The following MPPED1 variants were observed in gnomAD, a reference collection of about 807,000 sequenced individuals.
MPPED1 encodes metallophosphoesterase domain-containing protein 1.
A neutral mutation model predicts 36.2 loss-of-function variants in MPPED1; 16 were observed. That is an observed-to-expected ratio of 0.44 (90% CI 0.30 to 0.67). MPPED1 has a LOEUF of 0.67. Among genes scored for constraint, MPPED1 ranks in the 30% least tolerant of loss-of-function variants. The pLI is 0.10. For synonymous variants in MPPED1, 199 were observed against 191.3 expected (o/e 1.04, Z -0.33); for missense variants, 307 against 453.4 (o/e 0.68, Z 2.93).
chr22:43,489,844 G>A (rs1157605403), intron 4 of MPPED1, among the ~76,000 whole-genome samples: 4 of 152,152 alleles, frequency 2.6e-5, no homozygotes, highest in African/African-American at 4.8e-5. Context: ...TCTAATAAAA[G>A]CTGGAACATC....
At chr22:43,476,654 A>G (rs1931587202) in intron 4 of MPPED1, among the ~76,000 whole-genome samples, 1 of 151,986 alleles carries the variant, frequency 6.6e-6, no homozygotes, top group African/African-American at 2.4e-5. Context: ...GAAGGTGGGG[A>G]GGTGCAGGGC....
chr22:43,459,934 C>A (rs971501166), intron 3 of MPPED1, among the ~76,000 whole-genome samples: 2 of 152,076 alleles, frequency 1.3e-5, no homozygotes, highest in African/African-American at 4.8e-5. Flanking sequence ...TGTGGCCAGG[C>A]GTGGTGGCTT....
At chr22:43,456,463 C>A (rs1204245650) in intron 3 of MPPED1, among the ~76,000 whole-genome samples, 1 of 152,090 alleles carries the variant, frequency 6.6e-6, no homozygotes, top group East Asian at 1.9e-4. Context: ...TTGTCAGGTT[C>A]AGAAGATCTC....
intron 5 of MPPED1, among the ~76,000 whole-genome samples, chr22:43,500,068 TGATGGAGGTGGTGGTGATGGC>T (rs1404467172): frequency 1.0e-3 from 114 of 111,146 alleles, no homozygotes; most frequent in Non-Finnish European, 1.4e-3. Flanking sequence ...GTGGTGATGG[TGATGGAGGTGGTGGTGATGGC>T]GATGGAGGTG....
intron 4 of MPPED1, among the ~76,000 whole-genome samples, chr22:43,476,785 C>T (rs1309266003): frequency 6.6e-6 from 1 of 152,038 alleles, no homozygotes; most frequent in Admixed American, 6.6e-5. Flanking sequence ...CCTCTGGGCA[C>T]TTGAGGATGT....
intron 2 of MPPED1, among the ~76,000 whole-genome samples, chr22:43,432,220 G>GACAA (rs135074): frequency 0.36 from 55,056 of 150,856 alleles, 10,709 homozygotes; most frequent in East Asian, 0.77. Flanking sequence ...GAGAGAGAGA[G>GACAA]ACACAGAGAG....
chr22:43,484,761 A>T (rs1444444574), intron 4 of MPPED1, among the ~76,000 whole-genome samples: 1 of 152,060 alleles, frequency 6.6e-6, no homozygotes, highest in Non-Finnish European at 1.5e-5. Context: ...GGCAGGTGTG[A>T]GCCCCGCCTG....
intron 3 of MPPED1, among the ~76,000 whole-genome samples, chr22:43,455,066 T>C (rs1414977237): frequency 6.6e-6 from 1 of 151,564 alleles, no homozygotes; most frequent in African/African-American, 2.4e-5. Flanking sequence ...GATGGCTGTC[T>C]TCTCACTGTG....
At chr22:43,484,998 T>A (rs1931864803) in intron 4 of MPPED1, among the ~76,000 whole-genome samples, 1 of 152,190 alleles carries the variant, frequency 6.6e-6, no homozygotes, top group African/African-American at 2.4e-5. Flanking sequence ...CTTGCTGTGC[T>A]GCTTCTACAA....
intron 4 of MPPED1, among the ~76,000 whole-genome samples, chr22:43,479,160 C>A (rs939713513): frequency 3.3e-5 from 5 of 152,164 alleles, no homozygotes; most frequent in Non-Finnish European, 5.9e-5. Context: ...CATATGGCAG[C>A]TCATTCGGGG....
At position 43,474,845 on chromosome 22, in the gene MPPED1, T is replaced by C; in HGVS notation, c.516T>C (p.Ser172=). Residue 172 remains serine (S), a synonymous_variant, in exon 4 of 7, where the codon TCT becomes TCC. Coordinates refer to ENST00000443721, the MANE Select transcript of MPPED1 (RefSeq NM_001044370.2). The surrounding 1 kb of genome is among the most constrained non-coding windows in gnomAD (Gnocchi z 5.2). ...LIKQDFYYFP[S]VSKLKPENYE... The stretch of plus-strand genomic sequence containing the variant: ...AGCAGGACTTTTACTACTTCCCATC[T>C]GTGTCGAAGCTGAAGCCGGAGAACT... The C allele has an allele frequency of 1.2e-6, 2 of 1,614,036 alleles. No homozygotes were observed. Among genetic ancestry groups the C allele is most frequent in the African/African-American group, 1.3e-5 (1 of 75,054 alleles).
chr22:43,463,406 A>C (rs1931024878), intron 3 of MPPED1, among the ~76,000 whole-genome samples: 1 of 147,106 alleles, frequency 6.8e-6, no homozygotes, highest in Non-Finnish European at 1.5e-5. Context: ...GTCACAGCTC[A>C]CCACATCTTT....
intron 3 of MPPED1, 100 bp downstream of exon 3, chr22:43,435,315 C>T (rs760565057): frequency 3.3e-4 from 447 of 1,341,722 alleles, no homozygotes; most frequent in Middle Eastern, 2.5e-3. Flanking sequence ...CTGCGCTGCC[C>T]GGGCCCCCTC....
In MPPED1 at chr22:43,502,566, G is replaced by T; in HGVS notation, c.749-78G>T. 2 of 1,165,718 alleles carry T rather than the reference G, an allele frequency of 1.7e-6. No homozygotes were observed. Among genetic ancestry groups the T allele is most frequent in the South Asian group, 2.5e-5 (2 of 80,806 alleles). The allele number at this position is 1,165,718 out of a possible 1,614,324, so 72.2% of individuals were successfully genotyped here. Reference sequence around the variant, plus strand: ...AGCCCCATGCCTTCTCCAGGCTGCAGAAGCTGCTGCTAGGCGTGGGGCAGT... The same window carrying T: ...AGCCCCATGCCTTCTCCAGGCTGCATAAGCTGCTGCTAGGCGTGGGGCAGT... On this transcript the variant is annotated intron_variant, in intron 5 of 6. Coordinates refer to ENST00000443721, the MANE Select transcript of MPPED1 (RefSeq NM_001044370.2). This position sits in a 1 kb window ranked among gnomAD's most constrained non-coding sequence, Gnocchi z 5.5.
intron 3 of MPPED1, among the ~76,000 whole-genome samples, chr22:43,441,034 C>T (rs1384058560): frequency 6.6e-6 from 1 of 152,146 alleles, no homozygotes; most frequent in Non-Finnish European, 1.5e-5. Context: ...CTCAGACCCC[C>T]CAGCTCTAGC....
chr22:43,482,047 C>T (rs1233098355), intron 4 of MPPED1, among the ~76,000 whole-genome samples: 1 of 152,204 alleles, frequency 6.6e-6, no homozygotes, highest in East Asian at 1.9e-4. Flanking sequence ...TGGGCCTTCG[C>T]TGAGAGCAGC....
Position 43,505,686 on chromosome 22 carries a change from C to G in MPPED1, c.*70C>G. ...AGGCCTGGCCCGGCCACTGTTCCTT[C>G]CATGCTGAGTTGCCTGGACGACCCA... On this transcript the variant is annotated 3_prime_UTR_variant, in exon 7 of 7. Coordinates refer to ENST00000443721, the MANE Select transcript of MPPED1 (RefSeq NM_001044370.2). The G allele has an allele frequency of 1.4e-6, 2 of 1,414,286 alleles. No individual in the cohort carries two copies. The highest frequency in any genetic ancestry group is 2.5e-5 in the South Asian group (2 of 78,646). 87.6% of individuals were successfully genotyped at this position (1,414,286 alleles called of 1,614,324 possible). A position where few individuals can be genotyped will look rare whatever the true frequency, so the allele number is the denominator to read the frequency against.
At chr22:43,496,299 TGGAGGTAGTGGTGGC>T (rs1932351685) in intron 4 of MPPED1, among the ~76,000 whole-genome samples, 4 of 44,674 alleles carry the variant, frequency 9.0e-5, no homozygotes, top group Admixed American at 4.8e-4. Context: ...GAGGTGGTGG[TGGAGGTAGTGGTGGC>T]GGAGATGGTG....
At chr22:43,498,818 A>G (rs1932514652) in intron 5 of MPPED1, among the ~76,000 whole-genome samples, 1 of 147,940 alleles carries the variant, frequency 6.8e-6, no homozygotes, top group Admixed American at 6.8e-5. Context: ...CACCCAATCC[A>G]CACTGAGGTC....
Sources: allele counts gnomAD v4.1 joint callset (sites outside exome capture counted in the v4.1 genomes callset), GRCh38; gene constraint gnomAD v4.1.1; non-coding constraint Gnocchi (gnomAD v3.1); transcripts MANE v1.5; gene names NCBI Gene and HGNC (gene_info 2026-07-23, HGNC 2026-07-21).